The following HTRA1 variants were observed in gnomAD, a reference collection of about 807,000 sequenced individuals.
HTRA1 encodes HtrA serine peptidase 1.
Under a neutral mutation model 49.7 loss-of-function variants are expected in HTRA1, and 26 were observed. The observed-to-expected ratio is 0.52, with a 90% CI of 0.38 to 0.73. HTRA1 has a LOEUF of 0.73. Among genes scored for constraint, HTRA1 ranks in the 30% least tolerant of loss-of-function variants. The pLI is 0.00. For missense variants in HTRA1, 561 were observed against 667.2 expected, an observed-to-expected ratio of 0.84 and a Z score of 1.75; for synonymous variants, 291 against 286.9, an observed-to-expected ratio of 1.01 and a Z score of -0.14.
chr10:122,507,430 C>A (rs1010140687), intron 5 of HTRA1, 28 bp downstream of exon 5: 2 of 1,569,816 alleles, frequency 1.3e-6, no homozygotes, highest in South Asian at 1.1e-5. Flanking sequence ...TATGTTAGGT[C>A]ATTTGTTTTT....
Position 122,514,249 on chromosome 10 carries a change from G to C in HTRA1, c.1333G>C (p.Ala445Pro). The C allele has an allele frequency of 6.2e-7, 1 of 1,613,814 alleles. No homozygotes were observed. The change falls in exon 9 of 9, where the codon GCC becomes CCC. Residue 445 changes from alanine to proline, a missense_variant. Physicochemically the swap from Ala to Pro is conservative, Grantham distance 27. Transcript: ENST00000368984. ...ISINGQSVVSANDVSDVIKRE... is the reference protein window; with the variant it reads ...ISINGQSVVSPNDVSDVIKRE... ...CATCAATGGACAGTCCGTGGTCTCC[G>C]CCAATGATGTCAGCGACGTCATTAA...
intron 3 of HTRA1, among the ~76,000 whole-genome samples, chr10:122,497,004 G>A (rs1027561538): frequency 6.6e-6 from 1 of 152,118 alleles, no homozygotes; most frequent in Non-Finnish European, 1.5e-5. Flanking sequence ...ACAATGATAC[G>A]ATCACCTCTC....
At chr10:122,475,884 G>A (rs1396452843) in intron 1 of HTRA1, among the ~76,000 whole-genome samples, 1 of 152,234 alleles carries the variant, frequency 6.6e-6, no homozygotes, top group Admixed American at 6.5e-5. Context: ...GTGCTGGGCC[G>A]GGCTCTGGGC....
chr10:122,508,902 G>A (rs1033618888), intron 6 of HTRA1, 132 bp downstream of exon 6: 11 of 678,142 alleles, frequency 1.6e-5, no homozygotes, highest in African/African-American at 1.1e-4. Flanking sequence ...AGAAGTGAAC[G>A]GGAATGCACA....
At chr10:122,482,106 T>C (rs2097491275) in intron 1 of HTRA1, among the ~76,000 whole-genome samples, 1 of 152,124 alleles carries the variant, frequency 6.6e-6, no homozygotes, top group Non-Finnish European at 1.5e-5. Context: ...GGCCAAACAA[T>C]TTGATAAGTA....
At position 122,514,404 on chromosome 10, in the gene HTRA1, C is replaced by T. The variant is rs529288144; in HGVS notation, c.*45C>T. The T allele has an allele frequency of 2.1e-5, 33 of 1,589,016 alleles. No homozygotes were observed. The South Asian group carries it at 2.1e-4, about 10-fold the overall frequency. On this transcript the variant is annotated 3_prime_UTR_variant, in exon 9 of 9. Transcript: ENST00000368984. ...TTCATGTTTCCCTCAAAGACTCTCC[C>T]GTGGATGACGGATGAGGACTCTGGG...
At chr10:122,463,164 G>A (rs12266322) in intron 1 of HTRA1, among the ~76,000 whole-genome samples, 10,476 of 152,338 alleles carry the variant, frequency 0.069, 912 homozygotes, top group African/African-American at 0.2. Flanking sequence ...GGGGCATAGG[G>A]GAGCACAGTG....
At chr10:122,500,590 G>T (rs2097500471) in intron 3 of HTRA1, among the ~76,000 whole-genome samples, 1 of 152,164 alleles carries the variant, frequency 6.6e-6, no homozygotes, top group Non-Finnish European at 1.5e-5. Flanking sequence ...CTCAGCATAC[G>T]TGGAGCCTGA....
chr10:122,480,236 G>A (rs1190184471), intron 1 of HTRA1, among the ~76,000 whole-genome samples: 1 of 151,936 alleles, frequency 6.6e-6, no homozygotes, highest in Non-Finnish European at 1.5e-5. Context: ...ACCTTTCTTA[G>A]TGTGGCTGGC....
intron 1 of HTRA1, among the ~76,000 whole-genome samples, chr10:122,468,456 A>G (rs2097484733): frequency 6.6e-6 from 1 of 151,390 alleles, no homozygotes; most frequent in Non-Finnish European, 1.5e-5. Context: ...CAAGGCACTG[A>G]CAAAGGAGTC....
chr10:122,483,973 G>A (rs928003378), intron 1 of HTRA1, among the ~76,000 whole-genome samples: 3 of 151,924 alleles, frequency 2.0e-5, no homozygotes, highest in Admixed American at 6.6e-5. Flanking sequence ...TTTCTATATA[G>A]ACTATCATAT....
chr10:122,480,629 T>C (rs2097490581), intron 1 of HTRA1, among the ~76,000 whole-genome samples: 1 of 152,178 alleles, frequency 6.6e-6, no homozygotes, highest in Non-Finnish European at 1.5e-5. Context: ...TCTGGTGTCC[T>C]GCTGGCGTGG....
chr10:122,494,513 A>G lies in HTRA1; in HGVS notation c.777+4887A>G, dbSNP rs975775947. ...TACAGCAGGTCTATGGTCTTTGGTA[A>G]CGGAAAGCGCTGGTGAAACAGTGAG... On this transcript the variant is annotated intron_variant, in intron 3 of 8. Coordinates refer to ENST00000368984, the MANE Select transcript of HTRA1 (RefSeq NM_002775.5). This position sits in a 1 kb window ranked among gnomAD's most constrained non-coding sequence, Gnocchi z 4.0. 2.0e-5 allele frequency among the ~76,000 whole-genome samples: 3 copies of G among 152,334 alleles called. No individual in the cohort carries two copies. The highest frequency in any genetic ancestry group is 6.5e-5 in the Admixed American group (1 of 15,302).
chr10:122,489,662 G>A, intron 3 of HTRA1, 36 bp downstream of exon 3: 2 of 1,588,826 alleles, frequency 1.3e-6, no homozygotes, highest in South Asian at 1.1e-5. Flanking sequence ...TGAGTTCTCA[G>A]ATGCCCCGGA....
chr10:122,503,953 CA>C (rs2097501980), intron 3 of HTRA1, among the ~76,000 whole-genome samples: 2 of 152,334 alleles, frequency 1.3e-5, no homozygotes, highest in South Asian at 4.1e-4. Flanking sequence ...CGTCTGTGTT[CA>C]GGTGAGGACT....
chr10:122,487,594 A>T lies in HTRA1; in HGVS notation c.473-1308A>T, dbSNP rs2097493618. Among the ~76,000 whole-genome samples the T allele has an allele frequency of 6.6e-6, 1 of 152,190 alleles. No homozygotes were observed. Among genetic ancestry groups the T allele is most frequent in the African/African-American group, 2.4e-5 (1 of 41,438 alleles). ...CCACCACGTGGGGCCACTCACTGTA[A>T]TATAAACGGTCATGCATCACTGAGC... On this transcript the variant is annotated intron_variant, in intron 1 of 8. Transcript: ENST00000368984. The surrounding 1 kb of genome is among the most constrained non-coding windows in gnomAD (Gnocchi z 4.8).
chr10:122,461,704 G>A lies in HTRA1; in HGVS notation c.52G>A (p.Ala18Thr), dbSNP rs1361450800. 4.6e-6 allele frequency: 6 copies of A among 1,296,458 alleles called. No homozygotes were observed. Among genetic ancestry groups the A allele is most frequent in the East Asian group, 4.7e-5 (1 of 21,134 alleles). The allele number at this position is 1,296,458 out of a possible 1,614,324, so 80.3% of individuals were successfully genotyped here. Residue 18 changes from alanine (A) to threonine (T), a missense_variant, in exon 1 of 9, where the codon GCG becomes ACG. By Grantham distance (58) the Ala-to-Thr change is moderately conservative (BLOSUM62 0). This residue lies in a region of HTRA1 where 111 missense variants were observed against 83.7 expected (regional missense o/e 1.33). Transcript: ENST00000368984. ...LLPLLLLLLA[A>T]PASAQLSRAG... ...CCCGCTGCTGCTGCTGCTGCTGGCGGCGCCCGCCTCGGCGCAGCTGTCCCG... is the reference window on the plus strand; with the variant it reads ...CCCGCTGCTGCTGCTGCTGCTGGCGACGCCCGCCTCGGCGCAGCTGTCCCG...
intron 1 of HTRA1, among the ~76,000 whole-genome samples, chr10:122,483,569 G>T (rs1389209479): frequency 1.3e-5 from 2 of 152,114 alleles, no homozygotes; most frequent in East Asian, 3.9e-4. Flanking sequence ...TAGGCTCTGT[G>T]CTCTCCACAT....
chr10:122,471,160 G>A (rs947992462), intron 1 of HTRA1, among the ~76,000 whole-genome samples: 1 of 152,208 alleles, frequency 6.6e-6, no homozygotes. Flanking sequence ...CCTGAGCTGA[G>A]GTTCTTCAGA....
Sources: gnomAD v4.1 joint callset for allele counts (sites outside exome capture counted in the v4.1 genomes callset) on GRCh38, gnomAD v4.1.1 for gene constraint, gnomAD v4.1.1 regional missense constraint, Gnocchi (gnomAD v3.1) non-coding constraint, MANE v1.5 for transcripts, NCBI Gene and HGNC (gene_info 2026-07-23, HGNC 2026-07-21) for gene names.